The following SPAG16 variants were observed in gnomAD, a reference collection of about 807,000 sequenced individuals.
SPAG16 encodes the protein sperm associated antigen 16.
Under a neutral mutation model 80.4 loss-of-function variants are expected in SPAG16, and 86 were observed. The ratio of observed to expected loss-of-function variants is 1.07; its 90% CI spans 0.90 to 1.28. The LOEUF is 1.28. Among genes scored for constraint, SPAG16 ranks in the 50% most tolerant of loss-of-function variants. The pLI is 0.00. For synonymous variants in SPAG16, 294 were observed against 265.9 expected (o/e 1.11, Z -1.03); for missense variants, 870 against 765.3 (o/e 1.14, Z -1.61).
chr2:214,059,186 C>CTATATA (rs36006046), intron 13 of SPAG16, among the ~76,000 whole-genome samples: 6,611 of 113,932 alleles, frequency 0.058, 219 homozygotes, highest in Middle Eastern at 0.084. Context: ...CTCTCTCTGT[C>CTATATA]TATATATATA....
At chr2:213,939,594 A>G (rs1017195110) in intron 12 of SPAG16, among the ~76,000 whole-genome samples, 1 of 152,172 alleles carries the variant, frequency 6.6e-6, no homozygotes, top group African/African-American at 2.4e-5. Flanking sequence ...TTTCACTTGC[A>G]TTAGGATTCT....
intron 11 of SPAG16, among the ~76,000 whole-genome samples, chr2:213,907,757 A>T (rs1399171878): frequency 6.6e-6 from 1 of 152,206 alleles, no homozygotes; most frequent in Non-Finnish European, 1.5e-5. Context: ...GTAAAGTGAA[A>T]TAAATAAGTC....
intron 10 of SPAG16, among the ~76,000 whole-genome samples, chr2:213,614,340 A>T (rs1334559537): frequency 6.6e-6 from 1 of 152,164 alleles, no homozygotes; most frequent in Non-Finnish European, 1.5e-5. Context: ...ATATCTTTTT[A>T]TTTTCCTGTA....
At chr2:214,280,262 A>C (rs1360704679) in intron 15 of SPAG16, among the ~76,000 whole-genome samples, 1 of 152,236 alleles carries the variant, frequency 6.6e-6, no homozygotes, top group Non-Finnish European at 1.5e-5. Flanking sequence ...GTTCATCAAC[A>C]GAAGACTCAA....
chr2:214,279,800 G>T (rs1692772994), intron 15 of SPAG16, among the ~76,000 whole-genome samples: 1 of 152,110 alleles, frequency 6.6e-6, no homozygotes, highest in Non-Finnish European at 1.5e-5. Flanking sequence ...AATTTTAAAA[G>T]ATTCAACTCA....
At chr2:213,949,320 C>T (rs1180522784) in intron 12 of SPAG16, among the ~76,000 whole-genome samples, 1 of 151,496 alleles carries the variant, frequency 6.6e-6, no homozygotes, top group African/African-American at 2.4e-5. Flanking sequence ...ACAGGTGTGC[C>T]ACCACGCCCA....
chr2:214,302,180 A>T (rs1252832758), intron 15 of SPAG16, among the ~76,000 whole-genome samples: 2 of 152,148 alleles, frequency 1.3e-5, no homozygotes, highest in Non-Finnish European at 2.9e-5. Flanking sequence ...ACTTATTGAG[A>T]CTTACTTTAT....
At chr2:214,401,449 T>C (rs1701702488) in intron 15 of SPAG16, among the ~76,000 whole-genome samples, 1 of 151,962 alleles carries the variant, frequency 6.6e-6, no homozygotes, top group Non-Finnish European at 1.5e-5. Context: ...TTTTTGTCTC[T>C]ATTCTTGTAT....
In SPAG16 at chr2:213,833,184, C is replaced by T. The variant is rs10173908; in HGVS notation, c.1071-29301C>T. On this transcript the variant is annotated intron_variant, in intron 10 of 15. Transcript: ENST00000331683. ...AATATATTCTCCTGGCTCTGTCCTC[C>T]AGATATTATCCTTCCTCGCTTCAAA... is the stretch of plus-strand genomic sequence containing the variant. Among the ~76,000 whole-genome samples the T allele has an allele frequency of 4.9e-3, 738 of 150,794 alleles. 3 individuals carry two copies. The highest frequency in any genetic ancestry group is 0.01 in the Admixed American group (155 of 15,006).
At chr2:213,380,738 A>C (rs11679771) in intron 9 of SPAG16, among the ~76,000 whole-genome samples, 1 of 152,240 alleles carries the variant, frequency 6.6e-6, no homozygotes, top group East Asian at 1.9e-4. Context: ...TCCATAATCC[A>C]AGAGGCCTCC....
At chr2:213,418,300 CACAA>C (rs1206167628) in intron 9 of SPAG16, among the ~76,000 whole-genome samples, 4 of 152,160 alleles carry the variant, frequency 2.6e-5, no homozygotes, top group Non-Finnish European at 5.9e-5. Flanking sequence ...CACTTCTACC[CACAA>C]ACATACACAC....
chr2:214,056,631 T>C (rs2049961233), intron 13 of SPAG16, among the ~76,000 whole-genome samples: 1 of 152,088 alleles, frequency 6.6e-6, no homozygotes, highest in Non-Finnish European at 1.5e-5. Flanking sequence ...ACTGATCAGG[T>C]TGGTGACTGT....
chr2:213,702,075 CTT>C (rs2065458636), intron 10 of SPAG16, among the ~76,000 whole-genome samples: 1 of 152,026 alleles, frequency 6.6e-6, no homozygotes, highest in Non-Finnish European at 1.5e-5. Flanking sequence ...ACTTGGAGAA[CTT>C]TTATGTCTAG....
At position 213,288,171 on chromosome 2, in the gene SPAG16, G is replaced by C. The variant is rs369102673; in HGVS notation, c.136+3552G>C. On this transcript the variant is annotated intron_variant, in intron 1 of 15. Transcript: ENST00000331683. ...GTGCTCAAGGCATCCTACTGCCTTG[G>C]CCTCCCAAAGTGCTGGGATTACAGA... 2.6e-4 allele frequency among the ~76,000 whole-genome samples: 39 copies of C among 152,256 alleles called. No homozygotes were observed. The South Asian group carries it at 6.0e-3, about 23-fold the overall frequency.
At chr2:214,164,548 C>G (rs1311374925) in intron 15 of SPAG16, among the ~76,000 whole-genome samples, 1 of 152,006 alleles carries the variant, frequency 6.6e-6, no homozygotes, top group Non-Finnish European at 1.5e-5. Context: ...AAGTGTTAGC[C>G]AAGGGCAGAT....
chr2:213,744,681 G>T (rs1036643892), intron 10 of SPAG16, among the ~76,000 whole-genome samples: 2 of 152,192 alleles, frequency 1.3e-5, no homozygotes, highest in African/African-American at 2.4e-5. Flanking sequence ...ACTGGGAGAA[G>T]TGGTTAATCA....
At chr2:213,502,474 T>C (rs2074783918) in intron 10 of SPAG16, among the ~76,000 whole-genome samples, 1 of 152,146 alleles carries the variant, frequency 6.6e-6, no homozygotes. Context: ...AAATATTTTA[T>C]TTTTTATTTG....
intron 6 of SPAG16, among the ~76,000 whole-genome samples, chr2:213,348,376 C>A (rs1221288064): frequency 6.6e-6 from 1 of 152,138 alleles, no homozygotes; most frequent in East Asian, 1.9e-4. Context: ...AGCCCATTTA[C>A]ATTTAAGGTT....
At chr2:214,206,376 T>C (rs2058145675) in intron 15 of SPAG16, among the ~76,000 whole-genome samples, 1 of 152,172 alleles carries the variant, frequency 6.6e-6, no homozygotes, top group African/African-American at 2.4e-5. Flanking sequence ...GAACATGTAA[T>C]ATTTGTCTTT....
Sources: gnomAD v4.1 joint callset for allele counts (sites outside exome capture counted in the v4.1 genomes callset) on GRCh38, gnomAD v4.1.1 for gene constraint, MANE v1.5 for transcripts, NCBI Gene and HGNC (gene_info 2026-07-23, HGNC 2026-07-21) for gene names.